The following OSBPL10 variants were observed in gnomAD, a reference collection of about 807,000 sequenced individuals.
OSBPL10 encodes oxysterol-binding protein-related protein 10.
OSBPL10 carries 49 observed loss-of-function variants against 81.7 expected under a neutral mutation model. The observed-to-expected ratio is 0.60, with a 90% CI of 0.48 to 0.76. OSBPL10 has a LOEUF of 0.76. Ranked by LOEUF, OSBPL10 falls within the 30% of genes least tolerant of loss-of-function variation. OSBPL10 has a pLI of 0.00. For missense variants in OSBPL10, 923 were observed against 987.8 expected (o/e 0.93, Z 0.88); for synonymous variants, 419 against 383.6 (o/e 1.09, Z -1.08).
intron 7 of OSBPL10, among the ~76,000 whole-genome samples, chr3:31,688,963 C>T (rs1700870339): frequency 6.6e-6 from 1 of 152,156 alleles, no homozygotes; most frequent in South Asian, 2.1e-4. Context: ...CCAGGATGGG[C>T]CTTCAAAGGC....
intron 1 of OSBPL10, among the ~76,000 whole-genome samples, chr3:32,073,530 A>C (rs528855504): frequency 5.9e-5 from 9 of 152,098 alleles, no homozygotes; most frequent in African/African-American, 2.2e-4. Context: ...ACTCTCCCCT[A>C]CTTCCCTAAA....
chr3:31,751,402 A>AATAAAATAAT (rs1446148235), intron 4 of OSBPL10, among the ~76,000 whole-genome samples: 1 of 107,790 alleles, frequency 9.3e-6, no homozygotes, highest in Non-Finnish European at 2.0e-5. Flanking sequence ...AATAAAATAA[A>AATAAAATAAT]ATAAAAATAA....
rs575474890 is a variant in OSBPL10, at chr3:31,665,856, C to T, written c.2097-1624G>A. On this transcript the variant is annotated intron_variant, in intron 10 of 11. Transcript: ENST00000396556. Reference sequence around the variant, plus strand: ...GGGGGTCCTCTGAAGGGCAGAACCTCCCATGGTAAGTCCCATCTTAAGACA... The same window carrying T: ...GGGGGTCCTCTGAAGGGCAGAACCTTCCATGGTAAGTCCCATCTTAAGACA... Among the ~76,000 whole-genome samples the T allele has an allele frequency of 1.4e-4, 21 of 152,244 alleles. No homozygotes were observed. In the East Asian group the frequency reaches 3.7e-3, roughly 27 times the overall value.
chr3:31,995,017 G>A lies in OSBPL10; in HGVS notation n.298+51474C>T, dbSNP rs114785821. Among the ~76,000 whole-genome samples, 1,336 of 152,272 alleles carry A rather than the reference G, an allele frequency of 8.8e-3. 15 individuals carry two copies. Among genetic ancestry groups the A allele is most frequent in the African/African-American group, 0.03 (1,261 of 41,530 alleles). On this transcript the variant is annotated intron_variant and non_coding_transcript_variant, in intron 2 of 3. Coordinates refer to the OSBPL10 transcript ENST00000479173. ...ATTCAGGATTTCAAAAGGGGAAGGG[G>A]TATATGAATAGGGAGTAGGTCACAT... is the stretch of plus-strand genomic sequence containing the variant.
At chr3:32,042,437 T>C (rs1699587702) in intron 2 of OSBPL10, among the ~76,000 whole-genome samples, 1 of 152,168 alleles carries the variant, frequency 6.6e-6, no homozygotes, top group South Asian at 2.1e-4. Context: ...TATTCATCCT[T>C]AAAGGCTCAG....
intron 4 of OSBPL10, among the ~76,000 whole-genome samples, chr3:31,758,888 C>T (rs1326173352): frequency 2.0e-5 from 3 of 152,310 alleles, no homozygotes; most frequent in South Asian, 2.1e-4. Flanking sequence ...GTGCCTGTTT[C>T]TGGCTTCTGG....
At chr3:31,688,203 C>A (rs926559623) in intron 7 of OSBPL10, among the ~76,000 whole-genome samples, 1 of 151,614 alleles carries the variant, frequency 6.6e-6, no homozygotes, top group African/African-American at 2.4e-5. Flanking sequence ...AGAGATAACG[C>A]CCCCACCTCC....
At chr3:31,970,222 G>A (rs1014919434) in intron 1 of OSBPL10, among the ~76,000 whole-genome samples, 1 of 152,130 alleles carries the variant, frequency 6.6e-6, no homozygotes, top group Non-Finnish European at 1.5e-5. Flanking sequence ...TGCAAAAGAA[G>A]CATATTCCTC....
At chr3:31,669,387 G>C (rs1280602772) in intron 9 of OSBPL10, among the ~76,000 whole-genome samples, 2 of 152,158 alleles carry the variant, frequency 1.3e-5, no homozygotes, top group African/African-American at 4.8e-5. Flanking sequence ...GTGTGTAAGA[G>C]TGTAGGGTGA....
intron 4 of OSBPL10, among the ~76,000 whole-genome samples, chr3:31,785,584 C>G (rs568822238): frequency 6.6e-6 from 1 of 152,274 alleles, no homozygotes; most frequent in Non-Finnish European, 1.5e-5. Flanking sequence ...AGATCCAACT[C>G]CACCATTAAC....
At chr3:31,732,104 A>C (rs1696989397) in intron 6 of OSBPL10, among the ~76,000 whole-genome samples, 2 of 152,178 alleles carry the variant, frequency 1.3e-5, no homozygotes, top group Non-Finnish European at 2.9e-5. Context: ...TCTACCACTC[A>C]CACGGTTGCC....
intron 2 of OSBPL10, among the ~76,000 whole-genome samples, chr3:32,035,282 C>A (rs1699506328): frequency 6.6e-6 from 1 of 152,114 alleles, no homozygotes; most frequent in Admixed American, 6.5e-5. Context: ...AAGAATCAGG[C>A]TGGGCACAGT....
intron 7 of OSBPL10, among the ~76,000 whole-genome samples, chr3:31,687,106 G>T (rs1294806502): frequency 6.6e-6 from 1 of 152,148 alleles, no homozygotes; most frequent in Admixed American, 6.5e-5. Context: ...CCTTCCCCAA[G>T]TGACTCCGTC....
chr3:31,808,148 T>G (rs1461409411), intron 4 of OSBPL10, among the ~76,000 whole-genome samples: 1 of 152,148 alleles, frequency 6.6e-6, no homozygotes, highest in Non-Finnish European at 1.5e-5. Context: ...GAGCCACAAT[T>G]CTGTACTCAC....
At chr3:32,053,639 A>T (rs1699684652) in intron 1 of OSBPL10, among the ~76,000 whole-genome samples, 1 of 152,144 alleles carries the variant, frequency 6.6e-6, no homozygotes, top group Non-Finnish European at 1.5e-5. Flanking sequence ...CAAGGGTGAA[A>T]CTTGGCTTTC....
intron 3 of OSBPL10, among the ~76,000 whole-genome samples, chr3:31,856,116 ACG>A (rs1553634011): frequency 3.6e-5 from 5 of 138,868 alleles, no homozygotes; most frequent in African/African-American, 1.3e-4. Context: ...ACACACACAC[ACG>A]TTTTAATCTA....
intron 1 of OSBPL10, among the ~76,000 whole-genome samples, chr3:31,910,610 T>C (rs1340103597): frequency 6.6e-6 from 1 of 151,714 alleles, no homozygotes; most frequent in Non-Finnish European, 1.5e-5. Context: ...CACTCCAGTC[T>C]GGGGGACAGA....
chr3:31,811,360 C>G (rs1295959280), intron 4 of OSBPL10, among the ~76,000 whole-genome samples: 1 of 152,178 alleles, frequency 6.6e-6, no homozygotes, highest in East Asian at 1.9e-4. Flanking sequence ...TCGCAGGACT[C>G]CTTGACTCTA....
intron 1 of OSBPL10, among the ~76,000 whole-genome samples, chr3:31,909,124 C>T (rs1290042316): frequency 5.3e-5 from 8 of 152,172 alleles, no homozygotes; most frequent in Admixed American, 2.6e-4. Context: ...GGAAAACTAC[C>T]TAGAGGTTAA....
Sources: gnomAD v4.1 joint callset for allele counts (sites outside exome capture counted in the v4.1 genomes callset) on GRCh38, gnomAD v4.1.1 for gene constraint, MANE v1.5 for transcripts, NCBI Gene and HGNC (gene_info 2026-07-23, HGNC 2026-07-21) for gene names.